The following ELOVL7 variants were observed in gnomAD, a reference collection of about 807,000 sequenced individuals.
The protein encoded by ELOVL7 is ELOVL fatty acid elongase 7.
ELOVL7 carries 27 observed loss-of-function variants against 35.7 expected under a neutral mutation model. That is an observed-to-expected ratio of 0.76 (90% CI 0.56 to 1.04). The LOEUF is 1.04. ELOVL7 is among the 50% of genes least tolerant of loss of function. The pLI, the probability that ELOVL7 is intolerant of heterozygous loss-of-function variation, is 0.00. For synonymous variants in ELOVL7, 113 were observed against 114.6 expected, an observed-to-expected ratio of 0.99 and a Z score of 0.09; for missense variants, 327 against 340.8, an observed-to-expected ratio of 0.96 and a Z score of 0.32.
intron 3 of ELOVL7, among the ~76,000 whole-genome samples, chr5:60,779,615 GC>G (rs1183591449): frequency 1.3e-5 from 2 of 152,102 alleles, no homozygotes; most frequent in Non-Finnish European, 2.9e-5. Flanking sequence ...GGAGCCCTGG[GC>G]CCAGCCCCAA....
At chr5:60,837,326 T>TGGGGGGGGGGGGGG (rs1471299589) in intron 1 of ELOVL7, among the ~76,000 whole-genome samples, 1 of 25,046 alleles carries the variant, frequency 4.0e-5, no homozygotes, top group African/African-American at 1.5e-4. Flanking sequence ...GGGGGGGGAG[T>TGGGGGGGGGGGGGG]GGGGGGTGGG....
intron 1 of ELOVL7, among the ~76,000 whole-genome samples, chr5:60,819,674 T>C (rs1430174221): frequency 2.0e-5 from 3 of 152,126 alleles, no homozygotes; most frequent in Non-Finnish European, 4.4e-5. Context: ...TAATCCTGCC[T>C]ACTCAGGAGG....
At chr5:60,801,593 T>C (rs1447969325) in intron 1 of ELOVL7, among the ~76,000 whole-genome samples, 1 of 151,760 alleles carries the variant, frequency 6.6e-6, no homozygotes, top group East Asian at 1.9e-4. Flanking sequence ...GATTCAGCTA[T>C]ACAGGAGGCT....
At position 60,752,419 on chromosome 5, in the gene ELOVL7, C is replaced by T. The variant is rs1489110254; in HGVS notation, c.*2205G>A. 6 of 152,610 alleles carry T rather than the reference C, an allele frequency of 3.9e-5. No individual in the cohort carries two copies. Among genetic ancestry groups the T allele is most frequent in the African/African-American group, 4.8e-5 (2 of 41,440 alleles). The allele number at this position is 152,610 out of a possible 1,614,324, so 9.5% of individuals were successfully genotyped here. On this transcript the variant is annotated 3_prime_UTR_variant, in exon 9 of 9. Transcript: ENST00000508821. ...GGTCGGAAAGTATGCAAGAAATAAA[C>T]TCTCCTGTTTCATCTCTTTTATTTT... is the stretch of plus-strand genomic sequence containing the variant.
chr5:60,802,712 C>T (rs943812951), intron 1 of ELOVL7: 3 of 152,118 alleles, frequency 2.0e-5, no homozygotes, highest in African/African-American at 7.2e-5. Flanking sequence ...TAGTAAATTA[C>T]AGAAAATTAG....
chr5:60,761,693 C>G (rs578085293), intron 7 of ELOVL7, among the ~76,000 whole-genome samples: 4 of 152,100 alleles, frequency 2.6e-5, no homozygotes, highest in South Asian at 4.2e-4. Context: ...ATAAGCTGAT[C>G]GTAGCAGAAT....
chr5:60,814,039 G>A (rs1745384985), intron 1 of ELOVL7, among the ~76,000 whole-genome samples: 1 of 152,150 alleles, frequency 6.6e-6, no homozygotes, highest in African/African-American at 2.4e-5. Context: ...AGATTCAAAA[G>A]CAAGGTGGCA....
chr5:60,842,930 T>C (rs1330253092), intron 1 of ELOVL7, among the ~76,000 whole-genome samples: 1 of 152,074 alleles, frequency 6.6e-6, no homozygotes, highest in Non-Finnish European at 1.5e-5. Context: ...TTTTATTTAG[T>C]TCTCGGTGAC....
intron 1 of ELOVL7, among the ~76,000 whole-genome samples, chr5:60,836,485 T>G (rs1321047063): frequency 6.6e-6 from 1 of 152,052 alleles, no homozygotes; most frequent in Non-Finnish European, 1.5e-5. Context: ...TGGGTCAACA[T>G]TGTTCGTTGG....
intron 2 of ELOVL7, among the ~76,000 whole-genome samples, chr5:60,791,322 T>C (rs776058308): frequency 6.6e-6 from 1 of 152,078 alleles, no homozygotes; most frequent in Non-Finnish European, 1.5e-5. Context: ...TGCCAATTTA[T>C]GGGTACATAC....
intron 1 of ELOVL7, among the ~76,000 whole-genome samples, chr5:60,843,751 C>CCCGCT (rs1023257852): frequency 1.7e-4 from 26 of 152,246 alleles, no homozygotes; most frequent in Middle Eastern, 6.9e-3. Flanking sequence ...CTCTGCCCCT[C>CCCGCT]CCGCTCCGCT....
intron 3 of ELOVL7, among the ~76,000 whole-genome samples, chr5:60,783,460 TAG>T (rs1231081500): frequency 6.6e-6 from 1 of 152,214 alleles, no homozygotes; most frequent in Non-Finnish European, 1.5e-5. Flanking sequence ...CCTTTCTGAA[TAG>T]AGAGTCCACT....
intron 3 of ELOVL7, among the ~76,000 whole-genome samples, chr5:60,786,437 A>G (rs542594393): frequency 2.4e-4 from 36 of 152,348 alleles, no homozygotes; most frequent in African/African-American, 7.0e-4. Flanking sequence ...AAAGAAATGT[A>G]TGGAGTATTT....
intron 1 of ELOVL7, among the ~76,000 whole-genome samples, chr5:60,817,623 ATATATG>A (rs1007784850): frequency 3.0e-4 from 45 of 147,600 alleles, no homozygotes; most frequent in Non-Finnish European, 5.7e-4. Context: ...TTATATTTGT[ATATATG>A]TATATTAGTA....
chr5:60,778,840 A>G (rs751299640), intron 3 of ELOVL7, among the ~76,000 whole-genome samples: 7 of 152,234 alleles, frequency 4.6e-5, no homozygotes, highest in Non-Finnish European at 8.8e-5. Flanking sequence ...CTCATCTGAG[A>G]CAAGGCAAGT....
At chr5:60,761,477 G>T (rs1323405641) in intron 7 of ELOVL7, among the ~76,000 whole-genome samples, 3 of 152,074 alleles carry the variant, frequency 2.0e-5, no homozygotes, top group Admixed American at 2.0e-4. Context: ...CAACATTTCT[G>T]GGAACAGCTT....
intron 2 of ELOVL7, among the ~76,000 whole-genome samples, chr5:60,788,228 C>T (rs1296634366): frequency 2.0e-5 from 3 of 151,812 alleles, no homozygotes; most frequent in East Asian, 1.9e-4. Context: ...TATATTTTAC[C>T]GTATTTTAAC....
Position 60,799,216 on chromosome 5 carries a change from G to C in ELOVL7, c.-71C>G, listed in dbSNP as rs1162986696. On this transcript the variant is annotated 5_prime_UTR_variant, in exon 2 of 9. Coordinates refer to ENST00000508821, the MANE Select transcript of ELOVL7 (RefSeq NM_024930.3). ...GGATGCCACAAAAGCAGTTCTAAGA[G>C]GGAAGTTTAAATGCCTATAATAGAA... 6.6e-6 allele frequency: 1 copy of C among 151,892 alleles called. No homozygotes were observed. Among genetic ancestry groups the C allele is most frequent in the East Asian group, 1.9e-4 (1 of 5,186 alleles). 9.4% of individuals were successfully genotyped at this position (151,892 alleles called of 1,614,324 possible). A position where few individuals can be genotyped will look rare whatever the true frequency, so the allele number is the denominator to read the frequency against.
At chr5:60,799,093 A>G (rs1384417563) in intron 2 of ELOVL7, 87 bp downstream of exon 2, 1 of 152,206 alleles carries the variant, frequency 6.6e-6, no homozygotes, top group African/African-American at 2.4e-5. Flanking sequence ...AGTAAGCAAC[A>G]TGCACCTGAA....
Sources: allele counts gnomAD v4.1 joint callset (sites outside exome capture counted in the v4.1 genomes callset), GRCh38; gene constraint gnomAD v4.1.1; transcripts MANE v1.5; gene names NCBI Gene and HGNC (gene_info 2026-07-23, HGNC 2026-07-21).